SLIRP: variants seen among roughly 807,000 people sequenced by gnomAD.
The protein encoded by SLIRP is SRA stem-loop-interacting RNA-binding protein, mitochondrial.
SLIRP carries 12 observed loss-of-function variants against 13.4 expected under a neutral mutation model. The observed-to-expected ratio is 0.89, with a 90% CI of 0.57 to 1.45. The LOEUF is 1.45. Among genes scored for constraint, SLIRP ranks in the 40% most tolerant of loss-of-function variants. The pLI is 0.00. For synonymous variants in SLIRP, 55 were observed against 47.1 expected, an observed-to-expected ratio of 1.17 and a Z score of -0.69; for missense variants, 154 against 132.2, an observed-to-expected ratio of 1.17 and a Z score of -0.81.
At chr14:77,716,940 T>A (rs2080489181) in intron 3 of SLIRP, among the ~76,000 whole-genome samples, 1 of 152,014 alleles carries the variant, frequency 6.6e-6, no homozygotes. Flanking sequence ...TTTTTTTGTA[T>A]TTTTAGTAGA....
At position 77,708,127 on chromosome 14, in the gene SLIRP, G is replaced by A. The variant is rs147560423; in HGVS notation, c.16G>A (p.Ala6Thr). 5.6e-6 allele frequency: 9 copies of A among 1,614,026 alleles called. No homozygotes were observed. The highest frequency in any genetic ancestry group is 1.3e-5 in the African/African-American group (1 of 74,926). The change falls in exon 1 of 4, where the codon GCG becomes ACG. Residue 6 changes from alanine to threonine, a missense_variant. Physicochemically the swap from Ala to Thr is moderately conservative, Grantham distance 58 (BLOSUM62 0). Transcript: ENST00000557342. Reference protein sequence around the residue: MAASAARGAAALRRSI... With the variant: MAASATRGAAALRRSI... ...TAGTCTGAAGATGGCGGCCTCAGCAGCGAGAGGTGCTGCGGCGCTGCGTAG... is the reference window on the plus strand; with the variant it reads ...TAGTCTGAAGATGGCGGCCTCAGCAACGAGAGGTGCTGCGGCGCTGCGTAG...
At chr14:77,710,507 C>T (rs1245398535) in intron 1 of SLIRP, 77 of 1,129,322 alleles carry the variant, frequency 6.8e-5, no homozygotes, top group Non-Finnish European at 9.0e-5. Context: ...TACCGGGAAA[C>T]ACACTGGATT....
intron 2 of SLIRP, among the ~76,000 whole-genome samples, chr14:77,715,104 T>A (rs1195478092): frequency 6.6e-6 from 1 of 152,140 alleles, no homozygotes; most frequent in South Asian, 2.1e-4. Context: ...CAGAAATGAG[T>A]GCAACAAGGC....
At chr14:77,709,163 ATTAG>A (rs1405727291) in intron 1 of SLIRP, among the ~76,000 whole-genome samples, 2 of 152,244 alleles carry the variant, frequency 1.3e-5, no homozygotes, top group South Asian at 2.1e-4. Context: ...GGTTGGAATA[ATTAG>A]TTCTGAAATC....
chr14:77,708,732 ATTGT>A (rs1352162682), intron 1 of SLIRP, among the ~76,000 whole-genome samples: 2 of 152,176 alleles, frequency 1.3e-5, no homozygotes, highest in Non-Finnish European at 2.9e-5. Flanking sequence ...GCATTGGTGA[ATTGT>A]TTGTTTAGAA....
At chr14:77,711,142 G>C (rs1351890787) in intron 2 of SLIRP, among the ~76,000 whole-genome samples, 1 of 150,978 alleles carries the variant, frequency 6.6e-6, no homozygotes, top group African/African-American at 2.4e-5. Flanking sequence ...TCCATGATGT[G>C]CTTAATTTAC....
At chr14:77,711,144 T>G (rs2080437179) in intron 2 of SLIRP, among the ~76,000 whole-genome samples, 1 of 151,174 alleles carries the variant, frequency 6.6e-6, no homozygotes, top group South Asian at 2.1e-4. Flanking sequence ...CATGATGTGC[T>G]TAATTTACAT....
At chr14:77,713,410 C>T (rs1359283722) in intron 2 of SLIRP, among the ~76,000 whole-genome samples, 2 of 152,048 alleles carry the variant, frequency 1.3e-5, no homozygotes, top group Non-Finnish European at 2.9e-5. Context: ...CATAAAGGAA[C>T]TTAAATTCTT....
At chr14:77,709,482 G>A (rs2080423608) in intron 1 of SLIRP, among the ~76,000 whole-genome samples, 1 of 152,194 alleles carries the variant, frequency 6.6e-6, no homozygotes, top group African/African-American at 2.4e-5. Flanking sequence ...AGTTTCATTA[G>A]CATCTTGCGG....
Position 77,708,178 on chromosome 14 carries a change from G to C in SLIRP, c.67G>C (p.Val23Leu), listed in dbSNP as rs199732122. The change falls in exon 1 of 4, where the codon GTG becomes CTG. Residue 23 changes from valine (V) to leucine (L), a missense_variant. Physicochemically the swap from Val to Leu is conservative, Grantham distance 32. Transcript: ENST00000557342. ...AAGTATCAATCAGCCGGTTGCTTTT[G>C]TGAGAAGAATTCCTTGGACTGCGGC... Reference protein sequence around the residue: ...RRSINQPVAFVRRIPWTAASS... With the variant: ...RRSINQPVAFLRRIPWTAASS... 1 of 1,614,112 alleles carries C rather than the reference G, an allele frequency of 6.2e-7. No individual in the cohort carries two copies.
chr14:77,717,073 G>C (rs558194491), intron 3 of SLIRP, among the ~76,000 whole-genome samples: 1 of 152,106 alleles, frequency 6.6e-6, no homozygotes, highest in Non-Finnish European at 1.5e-5. Flanking sequence ...CCAGCAGTCT[G>C]CTTTTCAGGT....
intron 2 of SLIRP, among the ~76,000 whole-genome samples, chr14:77,712,674 G>A (rs946598666): frequency 6.6e-6 from 1 of 152,118 alleles, no homozygotes; most frequent in African/African-American, 2.4e-5. Flanking sequence ...TCGAACTCCT[G>A]ACCTCAAGTG....
In SLIRP at chr14:77,717,545, A is replaced by G. The variant is rs769011568; in HGVS notation, c.314A>G (p.Glu105Gly). Residue 105 changes from glutamate (E) to glycine (G), a missense_variant, in exon 4 of 4, where the codon GAA becomes GGA. Glu to Gly is a moderately conservative substitution (Grantham distance 98, BLOSUM62 -2). Transcript: ENST00000557342. ...RPKLPQTSDD[E>G]KKDF ...AAACTTCCGCAAACATCTGATGATG[A>G]AAAGAAAGATTTTTGAGACTGCAGC... is the stretch of plus-strand genomic sequence containing the variant. 5 of 1,613,894 alleles carry G rather than the reference A, an allele frequency of 3.1e-6. No homozygotes were observed. The highest frequency in any genetic ancestry group is 2.2e-5 in the South Asian group (2 of 91,056).
intron 1 of SLIRP, 62 bp downstream of exon 1, chr14:77,708,270 G>T (rs558876759): frequency 6.5e-7 from 1 of 1,541,162 alleles, no homozygotes. Context: ...CAAAGCTTCT[G>T]CTTTTTGCAG....
Position 77,708,126 on chromosome 14 carries a change from AGCGAGAGGTGCTGCGGCGCTGC to A in SLIRP, c.17_38del (p.Ala6ValfsTer11). On this transcript the variant is annotated frameshift_variant, in exon 1 of 4. Coordinates refer to ENST00000557342, the MANE Select transcript of SLIRP (RefSeq NM_031210.6). LOFTEE classifies it high-confidence loss of function. The stretch of plus-strand genomic sequence containing the variant: ...TTAGTCTGAAGATGGCGGCCTCAGC[AGCGAGAGGTGCTGCGGCGCTGC>A]GTAGAAGTATCAATCAGCCGGTTGC... 6.2e-7 allele frequency: 1 copy of A among 1,614,128 alleles called. No individual in the cohort carries two copies. The highest frequency in any genetic ancestry group is 8.5e-7 in the Non-Finnish European group (1 of 1,180,008).
intron 2 of SLIRP, chr14:77,712,169 T>C (rs952084935): frequency 1.3e-5 from 2 of 152,204 alleles, no homozygotes; most frequent in African/African-American, 4.8e-5. Flanking sequence ...GGATCTCACA[T>C]AGCTATATAT....
Position 77,715,863 on chromosome 14 carries a change from T to C in SLIRP, c.248T>C (p.Ile83Thr), listed in dbSNP as rs1334409935. The change falls in exon 3 of 4, where the codon ATT becomes ACT. Residue 83 changes from isoleucine to threonine, a missense_variant. Coordinates refer to ENST00000557342, the MANE Select transcript of SLIRP (RefSeq NM_031210.6). The stretch of plus-strand genomic sequence containing the variant: ...AATGCACTACAACAGGAAAATCATA[T>C]TATAGATGGAGTAAAGGTAAATTTA... ...LRNALQQENH[I>T]IDGVKVQVHT... is the part of the protein sequence containing the mutation. 1 of 1,613,216 alleles carries C rather than the reference T, an allele frequency of 6.2e-7. No individual in the cohort carries two copies. Among genetic ancestry groups the C allele is most frequent in the Non-Finnish European group, 8.5e-7 (1 of 1,179,252 alleles).
At chr14:77,710,059 G>A (rs1020937126) in intron 1 of SLIRP, among the ~76,000 whole-genome samples, 2 of 152,186 alleles carry the variant, frequency 1.3e-5, no homozygotes, top group African/African-American at 4.8e-5. Context: ...GAACTAAATA[G>A]ATATTATAAA....
intron 2 of SLIRP, among the ~76,000 whole-genome samples, chr14:77,714,893 C>A (rs567624866): frequency 6.6e-6 from 1 of 152,226 alleles, no homozygotes; most frequent in South Asian, 2.1e-4. Context: ...GCTGGAGGGG[C>A]AGGGTACATC....
Sources: gnomAD v4.1 joint callset for allele counts (sites outside exome capture counted in the v4.1 genomes callset) on GRCh38, gnomAD v4.1.1 for gene constraint, MANE v1.5 for transcripts, NCBI Gene and HGNC (gene_info 2026-07-23, HGNC 2026-07-21) for gene names.